The following MEGF11 variants were observed in gnomAD, a reference collection of about 807,000 sequenced individuals.
The protein encoded by MEGF11 is multiple EGF like domains 11.
MEGF11 carries 126 observed loss-of-function variants against 146.6 expected under a neutral mutation model. That is an observed-to-expected ratio of 0.86 (90% confidence interval 0.74 to 1.00). MEGF11 has a LOEUF of 1.00. MEGF11 is among the 50% of genes least tolerant of loss of function. The probability of loss-of-function intolerance (pLI) is 0.00; values close to 1 mark genes in which losing one functional copy is unlikely to be tolerated. For synonymous variants in MEGF11, 532 were observed against 583.4 expected (o/e 0.91, Z 1.27); for missense variants, 1,509 against 1,521.2 (o/e 0.99, Z 0.13).
At chr15:66,203,878 T>C (rs778246696) in intron 1 of MEGF11, among the ~76,000 whole-genome samples, 2 of 152,256 alleles carry the variant, frequency 1.3e-5, no homozygotes, top group Non-Finnish European at 2.9e-5. Flanking sequence ...TGTGATTATG[T>C]AGGAAAATGT....
Position 65,982,511 on chromosome 15 carries a change from G to T in MEGF11, c.395-23C>A. On this transcript the variant is annotated intron_variant, in intron 5 of 25. Coordinates refer to ENST00000395614, the MANE Select transcript of MEGF11 (RefSeq NM_001385028.1). The surrounding 1 kb of genome is among the most constrained non-coding windows in gnomAD (Gnocchi z 5.6). ...AGCCTGCAAGAGACGGGACAGTCAG[G>T]GATCAGGAGCCCCGAAGGCTCTCCT... is the stretch of plus-strand genomic sequence containing the variant. 6.9e-7 allele frequency: 1 copy of T among 1,455,582 alleles called. No individual in the cohort carries two copies. The allele number at this position is 1,455,582 out of a possible 1,614,324, so 90.2% of individuals were successfully genotyped here.
chr15:66,139,981 T>C (rs1433550892), intron 1 of MEGF11, among the ~76,000 whole-genome samples: 1 of 152,124 alleles, frequency 6.6e-6, no homozygotes, highest in African/African-American at 2.4e-5. Flanking sequence ...CTTCAGTTAA[T>C]TGAAAGGTGG....
intron 1 of MEGF11, among the ~76,000 whole-genome samples, chr15:66,211,350 C>T (rs1001284585): frequency 3.4e-4 from 52 of 152,004 alleles, no homozygotes; most frequent in South Asian, 1.9e-3. Flanking sequence ...GGTGAAACCC[C>T]GTCTCTACTA....
In MEGF11 at chr15:65,957,648, C is replaced by T. The variant is rs2080705757; in HGVS notation, c.1186G>A (p.Val396Ile). The change falls in exon 10 of 26, where the codon GTT (valine) becomes ATT (isoleucine). Residue 396 changes from valine to isoleucine, a missense_variant. Transcript: ENST00000395614. ...SGHHCNESCPVGYYGDGCQLP... is the reference protein window; with the variant it reads ...SGHHCNESCPIGYYGDGCQLP... ...TGGCAGCCATCGCCATAGTAGCCAA[C>T]AGGGCAGGATTCATTGCAGTGGTGA... The T allele has an allele frequency of 6.2e-7, 1 of 1,613,978 alleles. No homozygotes were observed.
chr15:66,154,577 C>T (rs1477800), intron 1 of MEGF11, among the ~76,000 whole-genome samples: 48,313 of 152,142 alleles, frequency 0.32, 9,513 homozygotes, highest in South Asian at 0.54. Context: ...CAGTTATTAA[C>T]TTTTATTTAC....
rs533308324 is a variant in MEGF11, at chr15:65,969,981, CT to C, written c.899+571del. On this transcript the variant is annotated intron_variant, in intron 8 of 25. Coordinates refer to ENST00000395614, the MANE Select transcript of MEGF11 (RefSeq NM_001385028.1). The stretch of plus-strand genomic sequence containing the variant: ...TCTGCACCTGCCCTGTCATCATGGC[CT>C]CCTTCTTCCCGCTGTGGCACATGTG... Among the ~76,000 whole-genome samples, 423 of 152,252 alleles carry C rather than the reference CT, an allele frequency of 2.8e-3. 1 individual carries two copies. The highest frequency in any genetic ancestry group is 9.8e-3 in the African/African-American group (408 of 41,534).
chr15:66,030,490 AT>A (rs1436252387), intron 5 of MEGF11, among the ~76,000 whole-genome samples: 5 of 152,108 alleles, frequency 3.3e-5, no homozygotes, highest in Non-Finnish European at 7.4e-5. Context: ...GCTCACTGCA[AT>A]CTCCACCTCT....
At chr15:65,952,685 G>A (rs2080450790) in intron 10 of MEGF11, among the ~76,000 whole-genome samples, 1 of 152,086 alleles carries the variant, frequency 6.6e-6, no homozygotes, top group Non-Finnish European at 1.5e-5. Flanking sequence ...CACTCCCACT[G>A]GAATGACTAG....
chr15:66,161,440 C>T (rs142418970), intron 1 of MEGF11, among the ~76,000 whole-genome samples: 3,636 of 152,206 alleles, frequency 0.024, 155 homozygotes, highest in African/African-American at 0.084. Flanking sequence ...GGCTGGAGTG[C>T]AGTGGTGTGA....
intron 21 of MEGF11, among the ~76,000 whole-genome samples, chr15:65,910,932 G>A (rs1384167111): frequency 6.6e-6 from 1 of 152,218 alleles, no homozygotes; most frequent in Non-Finnish European, 1.5e-5. Context: ...GTGTCCAGAG[G>A]TATGCAGCAT....
At chr15:66,086,595 T>C (rs62011842) in intron 5 of MEGF11, among the ~76,000 whole-genome samples, 15,883 of 152,166 alleles carry the variant, frequency 0.1, 886 homozygotes, top group Middle Eastern at 0.17. Context: ...ACGGTCGTTT[T>C]CAGACAAACA....
intron 10 of MEGF11, among the ~76,000 whole-genome samples, chr15:65,952,870 G>A (rs1014913317): frequency 6.6e-6 from 1 of 152,206 alleles, no homozygotes. Context: ...CATACCCCAA[G>A]TGATTCTATC....
rs187637046 is a variant in MEGF11, at chr15:66,048,218, T to C, written c.394+46184A>G. Among the ~76,000 whole-genome samples the C allele has an allele frequency of 1.2e-4, 19 of 152,250 alleles. 1 individual carries two copies. In the East Asian group the frequency reaches 3.7e-3, roughly 29 times the overall value. The stretch of plus-strand genomic sequence containing the variant: ...GCCTTGGCCTCCCAAAGTGCTGGGA[T>C]TACAGGCATGAGGCACCGCGCCCAG... On this transcript the variant is annotated intron_variant, in intron 5 of 25. Coordinates refer to ENST00000395614, the MANE Select transcript of MEGF11 (RefSeq NM_001385028.1).
chr15:66,111,821 C>T (rs1022454191), intron 4 of MEGF11, among the ~76,000 whole-genome samples: 9 of 152,054 alleles, frequency 5.9e-5, no homozygotes, highest in African/African-American at 1.7e-4. Context: ...ATTTGCACAT[C>T]GTGAATATAC....
In MEGF11 at chr15:65,955,398, GT is replaced by G. The variant is rs60673192; in HGVS notation, c.1287+2148del. Among the ~76,000 whole-genome samples, 282 of 141,938 alleles carry G rather than the reference GT, an allele frequency of 2.0e-3. 1 individual carries two copies. The highest frequency in any genetic ancestry group is 4.3e-3 in the African/African-American group (164 of 38,588). The allele number at this position is 141,938 out of a possible 152,430, so 93.1% of individuals were successfully genotyped here. A position where few individuals can be genotyped will look rare whatever the true frequency, so the allele number is the denominator to read the frequency against. The stretch of plus-strand genomic sequence containing the variant: ...GGGAGGAAGAAGGGGGATTGTAACT[GT>G]TTTTTTTTTTTTAATCTTAGTATAA... On this transcript the variant is annotated intron_variant, in intron 10 of 25. Transcript: ENST00000395614.
chr15:66,089,183 G>T (rs539144241), intron 5 of MEGF11, among the ~76,000 whole-genome samples: 6 of 152,184 alleles, frequency 3.9e-5, no homozygotes, highest in African/African-American at 1.4e-4. Context: ...CACCATTCAA[G>T]ATAAGAACAC....
intron 1 of MEGF11, among the ~76,000 whole-genome samples, chr15:66,155,973 G>A (rs1032017893): frequency 3.3e-5 from 5 of 152,320 alleles, no homozygotes; most frequent in Middle Eastern, 6.8e-3. Context: ...CGACCCATCA[G>A]CCTGGGATTT....
At chr15:66,118,365 C>A (rs565751438) in intron 4 of MEGF11, among the ~76,000 whole-genome samples, 1 of 152,328 alleles carries the variant, frequency 6.6e-6, no homozygotes, top group Admixed American at 6.5e-5. Flanking sequence ...TCCGGGGTGC[C>A]TCCACTGCAC....
intron 1 of MEGF11, among the ~76,000 whole-genome samples, chr15:66,172,170 C>T (rs1240236398): frequency 2.0e-5 from 3 of 152,192 alleles, no homozygotes; most frequent in Non-Finnish European, 2.9e-5. Flanking sequence ...CGGAAGTTTG[C>T]TCGGCAGGAG....
Sources: allele counts gnomAD v4.1 joint callset (sites outside exome capture counted in the v4.1 genomes callset), GRCh38; gene constraint gnomAD v4.1.1; non-coding constraint Gnocchi (gnomAD v3.1); transcripts MANE v1.5; gene names NCBI Gene and HGNC (gene_info 2026-07-23, HGNC 2026-07-21).